AFG2A: variants seen among roughly 807,000 people sequenced by gnomAD.
The protein encoded by AFG2A is ATPase family gene 2 protein homolog A.
At chr4:122,953,897 G>A in the AFG2A span, among the ~76,000 whole-genome samples, 1 of 152,214 alleles carries the variant, frequency 6.6e-6, no homozygotes, top group African/African-American at 2.4e-5. Context: ...TGTCCTACTA[G>A]GGGGCTCTGG....
the AFG2A span, among the ~76,000 whole-genome samples, chr4:123,099,391 C>T: frequency 6.6e-6 from 1 of 151,680 alleles, no homozygotes. Context: ...CTTTTGTTGT[C>T]TGTGCTTTTG....
At chr4:123,240,130 A>G in the AFG2A span, among the ~76,000 whole-genome samples, 2 of 152,206 alleles carry the variant, frequency 1.3e-5, no homozygotes, top group Admixed American at 6.5e-5. Context: ...AGAGCTAACT[A>G]TCCTAAATAT....
chr4:123,250,538 A>T, the AFG2A span, among the ~76,000 whole-genome samples: 1 of 152,084 alleles, frequency 6.6e-6, no homozygotes, highest in Non-Finnish European at 1.5e-5. Flanking sequence ...CAAAATTGGG[A>T]GTATTTTTTG....
At chr4:123,235,118 T>A in the AFG2A span, among the ~76,000 whole-genome samples, 6 of 152,168 alleles carry the variant, frequency 3.9e-5, no homozygotes, top group East Asian at 9.6e-4. Context: ...GAATAAGAGT[T>A]TGACTATCTG....
the AFG2A span, among the ~76,000 whole-genome samples, chr4:123,066,370 G>A: frequency 1.3e-5 from 2 of 152,016 alleles, no homozygotes; most frequent in Admixed American, 1.3e-4. Flanking sequence ...TGATTTTTAT[G>A]GTGGTTTATA....
chr4:123,050,985 C>G, the AFG2A span, among the ~76,000 whole-genome samples: 1 of 151,978 alleles, frequency 6.6e-6, no homozygotes, highest in Admixed American at 6.6e-5. Context: ...GCGATCCATC[C>G]CAGCCTCCCA....
chr4:123,198,397 G>T, the AFG2A span, among the ~76,000 whole-genome samples: 1 of 152,076 alleles, frequency 6.6e-6, no homozygotes, highest in Admixed American at 6.6e-5. Flanking sequence ...GCACACACTG[G>T]CACACAAATT....
the AFG2A span, among the ~76,000 whole-genome samples, chr4:123,184,615 C>A: frequency 2.5e-4 from 34 of 137,914 alleles, no homozygotes; most frequent in Non-Finnish European, 2.3e-4. Context: ...CGGCTCACTG[C>A]AAGCTCCGCC....
chr4:123,050,413 A>G, the AFG2A span, among the ~76,000 whole-genome samples: 43 of 152,222 alleles, frequency 2.8e-4, no homozygotes, highest in South Asian at 6.6e-3. Flanking sequence ...CCCTGCAATT[A>G]TTTTATTGCA....
chr4:123,174,076 T>C, the AFG2A span, among the ~76,000 whole-genome samples: 2,138 of 152,240 alleles, frequency 0.014, 33 homozygotes, highest in Non-Finnish European at 0.018. Flanking sequence ...ACATTGTCTA[T>C]GTGGGCAAAT....
chr4:123,033,292 A>G, the AFG2A span, among the ~76,000 whole-genome samples: 1 of 152,208 alleles, frequency 6.6e-6, no homozygotes, highest in Non-Finnish European at 1.5e-5. Context: ...TTTCTGACTC[A>G]AGAGTCTGAG....
the AFG2A span, among the ~76,000 whole-genome samples, chr4:123,225,582 A>G: frequency 1.3e-5 from 2 of 152,040 alleles, no homozygotes; most frequent in African/African-American, 2.4e-5. Context: ...CTCTGTTTTG[A>G]TACCAGTACC....
the AFG2A span, among the ~76,000 whole-genome samples, chr4:123,079,837 C>T: frequency 6.7e-6 from 1 of 148,710 alleles, no homozygotes; most frequent in Admixed American, 6.9e-5. Context: ...GCAACCTCCG[C>T]TTCCTGGGTT....
chr4:123,050,885 C>G, the AFG2A span, among the ~76,000 whole-genome samples: 515 of 152,128 alleles, frequency 3.4e-3, 2 homozygotes, highest in African/African-American at 0.012. Context: ...ACTAGGATTA[C>G]AGGCACCTGC....
At chr4:123,001,987 C>T in the AFG2A span, among the ~76,000 whole-genome samples, 1 of 152,154 alleles carries the variant, frequency 6.6e-6, no homozygotes, top group African/African-American at 2.4e-5. Flanking sequence ...TCTGGGTGCT[C>T]TTGTAATGGG....
the AFG2A span, among the ~76,000 whole-genome samples, chr4:123,168,842 T>A: frequency 2.0e-5 from 3 of 152,230 alleles, no homozygotes; most frequent in Non-Finnish European, 4.4e-5. Context: ...ATCCATTCTT[T>A]ATATGAGTAG....
the AFG2A span, among the ~76,000 whole-genome samples, chr4:123,157,139 C>T: frequency 3.3e-5 from 5 of 152,032 alleles, no homozygotes; most frequent in Admixed American, 3.3e-4. Flanking sequence ...TCTCAGCCTC[C>T]CGAGTAGCTG....
the AFG2A span, among the ~76,000 whole-genome samples, chr4:123,113,522 A>T: frequency 2.0e-4 from 31 of 152,322 alleles, no homozygotes; most frequent in Admixed American, 5.9e-4. Flanking sequence ...CTGGCTGTAA[A>T]TAGTTACAAA....
At chr4:123,217,540 T>C in the AFG2A span, among the ~76,000 whole-genome samples, 1 of 152,224 alleles carries the variant, frequency 6.6e-6, no homozygotes, top group African/African-American at 2.4e-5. Flanking sequence ...AGAATTCTCT[T>C]GGTTAAAAAT....
Sources: allele counts gnomAD v4.1 joint callset (sites outside exome capture counted in the v4.1 genomes callset), GRCh38; gene constraint gnomAD v4.1.1; transcripts MANE v1.5; gene names NCBI Gene and HGNC (gene_info 2026-07-23, HGNC 2026-07-21).